Variants in TACR3 observed in about 807,000 individuals in gnomAD.
TACR3 encodes tachykinin receptor 3.
Under a neutral mutation model 35.0 loss-of-function variants are expected in TACR3, and 34 were observed. The observed-to-expected ratio is 0.97, with a 90% CI of 0.74 to 1.30. TACR3 has a LOEUF of 1.30. Ranked by LOEUF, TACR3 falls within the 50% of genes most tolerant of loss-of-function variation. The probability of loss-of-function intolerance (pLI) is 0.00; values close to 1 mark genes in which losing one functional copy is unlikely to be tolerated. For synonymous variants in TACR3, 233 were observed against 221.1 expected (o/e 1.05, Z -0.48); for missense variants, 558 against 591.7 (o/e 0.94, Z 0.59).
chr4:103,637,625 G>A (rs924787970), intron 3 of TACR3, among the ~76,000 whole-genome samples: 154 of 152,118 alleles, frequency 1.0e-3, no homozygotes, highest in African/African-American at 3.2e-3. Flanking sequence ...AGGGTATTCA[G>A]TTAGGAAAAG....
intron 3 of TACR3, among the ~76,000 whole-genome samples, chr4:103,612,517 C>A (rs78797754): frequency 1.4e-5 from 2 of 141,624 alleles, no homozygotes; most frequent in African/African-American, 2.6e-5. Context: ...TTTTTTTTTT[C>A]TTGTGGTTAT....
chr4:103,681,994 T>C (rs1191298294), intron 1 of TACR3, among the ~76,000 whole-genome samples: 1 of 152,176 alleles, frequency 6.6e-6, no homozygotes, highest in East Asian at 1.9e-4. Flanking sequence ...CACTCTTAAA[T>C]AATTCATGTA....
At chr4:103,631,510 A>T (rs1029201520) in intron 3 of TACR3, among the ~76,000 whole-genome samples, 9 of 152,156 alleles carry the variant, frequency 5.9e-5, no homozygotes, top group African/African-American at 2.2e-4. Context: ...AGAAAAGTTT[A>T]ATTCATTTAG....
intron 1 of TACR3, among the ~76,000 whole-genome samples, chr4:103,697,953 C>A (rs754220976): frequency 2.0e-5 from 3 of 152,092 alleles, no homozygotes; most frequent in Non-Finnish European, 2.9e-5. Context: ...GAATGGTGAA[C>A]GGGGATTGCC....
chr4:103,589,276 T>C lies in TACR3; in HGVS notation c.*406A>G, dbSNP rs13148229. The C allele has an allele frequency of 0.084, 13,833 of 165,614 alleles. 706 individuals carry two copies. The highest frequency in any genetic ancestry group is 0.15 in the South Asian group (972 of 6,666). The allele number at this position is 165,614 out of a possible 1,614,324, so 10.3% of individuals were successfully genotyped here. ...AAAAGCCTATTTTATACAGATTTTA[T>C]ACAGATTTTGTTTCCCTTCACTTAC... On this transcript the variant is annotated 3_prime_UTR_variant, in exon 5 of 5. Transcript: ENST00000304883.
rs117497923 is a variant in TACR3, at chr4:103,713,884, G to A, written c.548+5244C>T. 2.6e-4 allele frequency among the ~76,000 whole-genome samples: 39 copies of A among 152,292 alleles called. 1 individual carries two copies. In the East Asian group the frequency reaches 7.5e-3, roughly 29 times the overall value. The stretch of plus-strand genomic sequence containing the variant: ...TCAGAAAAGTTGGAAGCCGAGAGGT[G>A]AGACTTCTAGGCAGTAGCCACCTGT... On this transcript the variant is annotated intron_variant, in intron 1 of 4. Coordinates refer to ENST00000304883, the MANE Select transcript of TACR3 (RefSeq NM_001059.3).
At chr4:103,607,431 CATA>C (rs1372743963) in intron 3 of TACR3, among the ~76,000 whole-genome samples, 12 of 151,498 alleles carry the variant, frequency 7.9e-5, no homozygotes, top group Non-Finnish European at 1.5e-4. Flanking sequence ...TTATTATGCT[CATA>C]ATAAGAATTC....
At chr4:103,718,909 C>A (rs1182940706) in intron 1 of TACR3, among the ~76,000 whole-genome samples, 1 of 152,130 alleles carries the variant, frequency 6.6e-6, no homozygotes, top group Non-Finnish European at 1.5e-5. Flanking sequence ...TAATAAGGCT[C>A]AATGATTTAG....
At chr4:103,629,981 C>T (rs1725022641) in intron 3 of TACR3, among the ~76,000 whole-genome samples, 1 of 151,674 alleles carries the variant, frequency 6.6e-6, no homozygotes, top group Non-Finnish European at 1.5e-5. Flanking sequence ...GGTACTGGTA[C>T]CAAAACAGAG....
At chr4:103,695,364 CT>C (rs1722499615) in intron 1 of TACR3, among the ~76,000 whole-genome samples, 1 of 152,128 alleles carries the variant, frequency 6.6e-6, no homozygotes, top group African/African-American at 2.4e-5. Context: ...AGATCAACCC[CT>C]CTTTCTTCCT....
At chr4:103,649,099 T>A (rs1725526320) in intron 3 of TACR3, among the ~76,000 whole-genome samples, 1 of 152,144 alleles carries the variant, frequency 6.6e-6, no homozygotes, top group African/African-American at 2.4e-5. Context: ...GAGAAATGTC[T>A]ATTCAGATCC....
rs752585728 is a variant in TACR3 at position 103,614,606 on chromosome 4, TG to T, written c.889-22924del. ...TTAAATCTAGACTACGTTAGTATAT[TG>T]GATATAGTAAGAATATTGATGTTCA... On this transcript the variant is annotated intron_variant, in intron 3 of 4. Coordinates refer to ENST00000304883, the MANE Select transcript of TACR3 (RefSeq NM_001059.3). Among the ~76,000 whole-genome samples the T allele has an allele frequency of 1.5e-3, 224 of 152,258 alleles. 2 individuals carry two copies. The highest frequency in any genetic ancestry group is 0.015 in the East Asian group (76 of 5,178).
chr4:103,639,014 T>C (rs1725279274), intron 3 of TACR3, among the ~76,000 whole-genome samples: 1 of 152,118 alleles, frequency 6.6e-6, no homozygotes, highest in African/African-American at 2.4e-5. Flanking sequence ...AGTTCAACCA[T>C]TGTGGAAGTC....
At chr4:103,693,666 TTCTG>T (rs1304601872) in intron 1 of TACR3, among the ~76,000 whole-genome samples, 6 of 152,142 alleles carry the variant, frequency 3.9e-5, no homozygotes, top group Non-Finnish European at 5.9e-5. Flanking sequence ...AAAATATTAA[TTCTG>T]TCTTTCATTT....
Position 103,603,382 on chromosome 4 carries a change from C to T in TACR3, c.889-11699G>A, listed in dbSNP as rs138107137. ...GCCTCGCCCTGCTTTGGCTCGTGCA[C>T]GGTGCGCTGCACCCACTGTCTTGCA... is the stretch of plus-strand genomic sequence containing the variant. On this transcript the variant is annotated intron_variant, in intron 3 of 4. Transcript: ENST00000304883. Among the ~76,000 whole-genome samples the T allele has an allele frequency of 7.5e-3, 1,140 of 152,334 alleles. 17 individuals are homozygous for T. Among genetic ancestry groups the T allele is most frequent in the African/African-American group, 0.026 (1,083 of 41,574 alleles).
chr4:103,704,105 C>CAA lies in TACR3; in HGVS notation c.548+15021_548+15022dup, dbSNP rs59034473. On this transcript the variant is annotated intron_variant, in intron 1 of 4. Coordinates refer to ENST00000304883, the MANE Select transcript of TACR3 (RefSeq NM_001059.3). Reference sequence around the variant, plus strand: ...GGCAACAGAGTGAAACTCTATCTCACAAAAAAAAAAAAAAAAAAAAAAAAA... The same window carrying CAA: ...GGCAACAGAGTGAAACTCTATCTCACAAAAAAAAAAAAAAAAAAAAAAAAAAA... Among the ~76,000 whole-genome samples, 156 of 64,618 alleles carry CAA rather than the reference C, an allele frequency of 2.4e-3. 1 individual carries two copies. The highest frequency in any genetic ancestry group is 3.3e-3 in the Non-Finnish European group (120 of 36,128). The allele number at this position is 64,618 out of a possible 152,430, so 42.4% of individuals were successfully genotyped here. A position where few individuals can be genotyped will look rare whatever the true frequency, so the allele number is the denominator to read the frequency against.
At chr4:103,684,998 A>G (rs1392080665) in intron 1 of TACR3, among the ~76,000 whole-genome samples, 3 of 131,036 alleles carry the variant, frequency 2.3e-5, no homozygotes, top group African/African-American at 3.4e-5. Context: ...TAAATAAATA[A>G]ATAAATAAAT....
At chr4:103,619,016 T>A (rs558175833) in intron 3 of TACR3, among the ~76,000 whole-genome samples, 46 of 152,308 alleles carry the variant, frequency 3.0e-4, no homozygotes, top group African/African-American at 1.0e-3. Context: ...ATATTTCACG[T>A]AGAGAATAAT....
chr4:103,629,286 A>C (rs9715175), intron 3 of TACR3, among the ~76,000 whole-genome samples: 16,711 of 151,746 alleles, frequency 0.11, 942 homozygotes, highest in African/African-American at 0.13. Context: ...GAAGTTCTGG[A>C]CAGGGCAATC....
Sources: allele counts gnomAD v4.1 joint callset (sites outside exome capture counted in the v4.1 genomes callset), GRCh38; gene constraint gnomAD v4.1.1; transcripts MANE v1.5; gene names NCBI Gene and HGNC (gene_info 2026-07-23, HGNC 2026-07-21).